Variants in SMARCA4 observed in about 807,000 individuals in gnomAD.
SMARCA4 encodes SWI/SNF-related matrix-associated actin-dependent regulator of chromatin subfamily A member 4.
SMARCA4 carries 31 observed loss-of-function variants against 193.9 expected under a neutral mutation model. That is an observed-to-expected ratio of 0.16 (90% CI 0.12 to 0.22). SMARCA4 has a LOEUF of 0.22. Among genes scored for constraint, SMARCA4 ranks in the 10% least tolerant of loss-of-function variants. The pLI, the probability that SMARCA4 is intolerant of heterozygous loss-of-function variation, is 1.00. For synonymous variants in SMARCA4, 942 were observed against 933.1 expected, an observed-to-expected ratio of 1.01 and a Z score of -0.17; for missense variants, 1,148 against 2,296.0, an observed-to-expected ratio of 0.50 and a Z score of 10.22.
intron 25 of SMARCA4, chr19:11,032,373 CT>C (rs980405179): frequency 2.6e-5 from 4 of 152,270 alleles, no homozygotes; most frequent in African/African-American, 9.7e-5. Flanking sequence ...GATGATAAAA[CT>C]AACAACCCAG....
chr19:10,972,558 C>T (rs2084761584), intron 1 of SMARCA4, among the ~76,000 whole-genome samples: 1 of 152,154 alleles, frequency 6.6e-6, no homozygotes. Context: ...GCATTCAGCG[C>T]TGTTCGTATT....
chr19:11,012,506 C>T, intron 15 of SMARCA4: 1 of 254,104 alleles, frequency 3.9e-6, no homozygotes, highest in Non-Finnish European at 7.8e-6. Flanking sequence ...AGAAAGCTCC[C>T]AGGCTTTGGA....
chr19:10,985,257 A>G lies in SMARCA4; in HGVS notation c.223-16A>G, dbSNP rs1284168138. 5.6e-6 allele frequency: 9 copies of G among 1,613,400 alleles called. No individual in the cohort carries two copies. Among genetic ancestry groups the G allele is most frequent in the Non-Finnish European group, 6.8e-6 (8 of 1,179,828 alleles). Reference sequence around the variant, plus strand: ...TTCCACATGCTGACCCTGCCTTGCCATGGTCCCTCTCGCAGCCCATGGAGT... The same window carrying G: ...TTCCACATGCTGACCCTGCCTTGCCGTGGTCCCTCTCGCAGCCCATGGAGT... On this transcript the variant is annotated splice_polypyrimidine_tract_variant and intron_variant, in intron 2 of 34. Coordinates refer to ENST00000344626, the MANE Select transcript of SMARCA4 (RefSeq NM_003072.5). This position sits in a 1 kb window ranked among gnomAD's most constrained non-coding sequence, Gnocchi z 4.5.
rs762658594 is a variant in SMARCA4 at position 11,041,602 on chromosome 19, C to T, written c.4424+42C>T. On this transcript the variant is annotated intron_variant, in intron 30 of 34. Coordinates refer to ENST00000344626, the MANE Select transcript of SMARCA4 (RefSeq NM_003072.5). The surrounding 1 kb of genome is among the most constrained non-coding windows in gnomAD (Gnocchi z 5.6). ...GGAGGGCGGGGGCTGTAGGGGTCCC[C>T]GTGGGAGCAGGCCTGGCATCTGCAC... is the stretch of plus-strand genomic sequence containing the variant. 8.2e-6 allele frequency: 13 copies of T among 1,591,562 alleles called. No individual in the cohort carries two copies. Among genetic ancestry groups the T allele is most frequent in the Middle Eastern group, 1.7e-4 (1 of 6,020 alleles).
chr19:11,047,709 C>G (rs562221535), intron 30 of SMARCA4: 3 of 152,342 alleles, frequency 2.0e-5, no homozygotes, highest in African/African-American at 7.2e-5. Context: ...CGTACCCACC[C>G]TGTGTCCAGC....
At position 10,986,111 on chromosome 19, in the gene SMARCA4, G is replaced by A; in HGVS notation, c.356-78G>A. The A allele has an allele frequency of 8.2e-7, 1 of 1,218,884 alleles. No homozygotes were observed. Among genetic ancestry groups the A allele is most frequent in the East Asian group, 2.3e-5 (1 of 42,914 alleles). 75.5% of individuals were successfully genotyped at this position (1,218,884 alleles called of 1,614,324 possible). A position where few individuals can be genotyped will look rare whatever the true frequency, so the allele number is the denominator to read the frequency against. On this transcript the variant is annotated intron_variant, in intron 3 of 34. Transcript: ENST00000344626. The surrounding 1 kb of genome is among the most constrained non-coding windows in gnomAD (Gnocchi z 6.7). The stretch of plus-strand genomic sequence containing the variant: ...GGCTGTGCCCTGTCTCAGAGTAGGA[G>A]CTGGTGTAGGGGGAAGAGGCTGTAA...
intron 30 of SMARCA4, among the ~76,000 whole-genome samples, chr19:11,049,242 C>T (rs2076118389): frequency 3.3e-5 from 5 of 152,048 alleles, no homozygotes; most frequent in Admixed American, 2.0e-4. Flanking sequence ...CACCAGGGGC[C>T]TCACAGGGGC....
chr19:10,973,155 G>A (rs940118973), intron 1 of SMARCA4, among the ~76,000 whole-genome samples: 6 of 152,028 alleles, frequency 3.9e-5, no homozygotes, highest in Admixed American at 1.3e-4. Context: ...CACAGGGAGC[G>A]TGGGTCAGGA....
intron 33 of SMARCA4, 27 bp downstream of exon 33, chr19:11,059,912 C>T (rs762763016): frequency 1.1e-5 from 18 of 1,613,626 alleles, no homozygotes; most frequent in East Asian, 6.7e-5. Context: ...TTCAGGACGC[C>T]GGGGTTCACG....
rs757553186 is a variant in SMARCA4, at chr19:11,030,912, C to T, written c.3546+19C>T. On this transcript the variant is annotated intron_variant, in intron 25 of 34. Coordinates refer to ENST00000344626, the MANE Select transcript of SMARCA4 (RefSeq NM_003072.5). This position sits in a 1 kb window ranked among gnomAD's most constrained non-coding sequence, Gnocchi z 5.5. The stretch of plus-strand genomic sequence containing the variant: ...TCACCAGGTAAAAGCGGGCCGGGCC[C>T]CAGGTCGAGGAGAAGGAAGGGGGTG... The T allele has an allele frequency of 9.3e-6, 15 of 1,606,498 alleles. No homozygotes were observed. Among genetic ancestry groups the T allele is most frequent in the African/African-American group, 5.3e-5 (4 of 74,814 alleles).
At position 11,019,577 on chromosome 19, in the gene SMARCA4, T is replaced by C. The variant is rs751003991; in HGVS notation, c.2506-14T>C. 18 of 1,589,236 alleles carry C rather than the reference T, an allele frequency of 1.1e-5. No homozygotes were observed. Among genetic ancestry groups the C allele is most frequent in the Non-Finnish European group, 5.2e-6 (6 of 1,161,826 alleles). The stretch of plus-strand genomic sequence containing the variant: ...GCTCCAAAAGCCGAGCTGTGCATCC[T>C]GCTTCCCTTGCAGGGATCCCCAGCA... On this transcript the variant is annotated splice_polypyrimidine_tract_variant and intron_variant, in intron 17 of 34. Transcript: ENST00000344626. This position sits in a 1 kb window ranked among gnomAD's most constrained non-coding sequence, Gnocchi z 6.1.
chr19:10,973,109 C>CAAAA (rs147266435), intron 1 of SMARCA4, among the ~76,000 whole-genome samples: 1 of 92,204 alleles, frequency 1.1e-5, no homozygotes, highest in African/African-American at 4.0e-5. Context: ...AGTCCATCTA[C>CAAAA]AAAAAAAAAA....
intron 30 of SMARCA4, among the ~76,000 whole-genome samples, chr19:11,051,583 T>C (rs954807154): frequency 1.3e-5 from 2 of 150,890 alleles, no homozygotes; most frequent in African/African-American, 2.4e-5. Context: ...TTCTGCCTCC[T>C]GGGTTCAAGC....
At chr19:11,023,305 A>G (rs986217206) in intron 19 of SMARCA4, among the ~76,000 whole-genome samples, 3 of 152,192 alleles carry the variant, frequency 2.0e-5, no homozygotes, top group African/African-American at 4.8e-5. Context: ...CAGGAATTAC[A>G]TGGAGGGAAC....
At chr19:11,026,578 C>T (rs1261017947) in intron 23 of SMARCA4, among the ~76,000 whole-genome samples, 1 of 149,224 alleles carries the variant, frequency 6.7e-6, no homozygotes, top group Admixed American at 6.7e-5. Flanking sequence ...CGGCTCACTG[C>T]AACCTCTGCC....
chr19:11,046,222 C>CA (rs574819439), intron 30 of SMARCA4, among the ~76,000 whole-genome samples: 5,937 of 83,140 alleles, frequency 0.071, 111 homozygotes, highest in South Asian at 0.088. Flanking sequence ...GACTCCGTCT[C>CA]AAAAAAAAAA....
Position 10,991,202 on chromosome 19 carries a change from C to T in SMARCA4, c.1298C>T (p.Ala433Val), listed in dbSNP as rs2086529644. Residue 433 changes from alanine (A) to valine (V), a missense_variant, in exon 8 of 35, where the codon GCC (alanine) becomes GTC (valine). Around this residue, in one of 17 missense-constraint regions of SMARCA4, gnomAD observed 69 missense variants for 186.9 expected, o/e 0.37. Coordinates refer to ENST00000344626, the MANE Select transcript of SMARCA4 (RefSeq NM_003072.5). ...CGGAGGGACACAGCGCTGGAGACAG[C>T]CCTCAATGCTAAGGCCTACAAGCGC... Reference protein sequence around the residue: ...CMRRDTALETALNAKAYKRSK... With the variant: ...CMRRDTALETVLNAKAYKRSK... The T allele has an allele frequency of 1.2e-6, 2 of 1,613,914 alleles. No individual in the cohort carries two copies. Among genetic ancestry groups the T allele is most frequent in the Non-Finnish European group, 1.7e-6 (2 of 1,180,022 alleles).
chr19:11,024,280 T>A (rs374181101), intron 20 of SMARCA4, 51 bp from the exon 21 acceptor site: 1 of 1,313,128 alleles, frequency 7.6e-7, no homozygotes, highest in South Asian at 1.2e-5. Flanking sequence ...ATGGGGGGAG[T>A]CAGGCCTCAA....
At chr19:11,047,024 A>AAATTGGTG (rs1237527912) in intron 30 of SMARCA4, among the ~76,000 whole-genome samples, 3 of 152,028 alleles carry the variant, frequency 2.0e-5, no homozygotes, top group Admixed American at 6.6e-5. Flanking sequence ...TTTGGGTACA[A>AAATTGGTG]AATTGGTGTA....
Sources: gnomAD v4.1 joint callset for allele counts (sites outside exome capture counted in the v4.1 genomes callset) on GRCh38, gnomAD v4.1.1 for gene constraint, gnomAD v4.1.1 regional missense constraint, Gnocchi (gnomAD v3.1) non-coding constraint, MANE v1.5 for transcripts, NCBI Gene and HGNC (gene_info 2026-07-23, HGNC 2026-07-21) for gene names.